Variants in ACAD10 observed in about 807,000 individuals in gnomAD.
ACAD10 encodes the protein ACAD-10.
A neutral mutation model predicts 116.8 loss-of-function variants in ACAD10; 112 were observed. The observed-to-expected ratio is 0.96, with a 90% CI of 0.82 to 1.12. The LOEUF is 1.12. Ranked by LOEUF, ACAD10 falls within the 50% of genes most tolerant of loss-of-function variation. The pLI, the probability that ACAD10 is intolerant of heterozygous loss-of-function variation, is 0.00. For missense variants in ACAD10, 1,259 were observed against 1,350.2 expected (o/e 0.93, Z 1.06); for synonymous variants, 486 against 510.6 (o/e 0.95, Z 0.65).
At chr12:111,732,107 TG>T (rs1889403224) in intron 10 of ACAD10, among the ~76,000 whole-genome samples, 1 of 151,992 alleles carries the variant, frequency 6.6e-6, no homozygotes, top group African/African-American at 2.4e-5. Flanking sequence ...AGAAAAGTAA[TG>T]GGCAGTAACA....
chr12:111,710,718 C>A (rs543186770), intron 5 of ACAD10, among the ~76,000 whole-genome samples: 1 of 152,120 alleles, frequency 6.6e-6, no homozygotes, highest in East Asian at 1.9e-4. Context: ...TGGTCTCAAA[C>A]TCCTAAGCTC....
intron 11 of ACAD10, among the ~76,000 whole-genome samples, chr12:111,734,691 A>C (rs940788980): frequency 2.0e-5 from 3 of 152,186 alleles, no homozygotes; most frequent in African/African-American, 7.2e-5. Context: ...ACAACAACAA[A>C]ACAGTTAAAA....
chr12:111,753,794 G>A lies in ACAD10; in HGVS notation c.2840G>A (p.Gly947Glu), dbSNP rs762174881. ...KARVKSRLAF[G>E]KPLVEQGTVL... ...CAGGTGAAGTCCCGCTTGGCTTTTG[G>A]GAAGCCCCTGGTGGAGCAGGGCACA... Residue 947 changes from glycine (G) to glutamate (E), a missense_variant, in exon 19 of 21, where the codon GGG (glycine) becomes GAG (glutamate). Transcript: ENST00000313698. The A allele has an allele frequency of 1.2e-6, 2 of 1,613,994 alleles. No homozygotes were observed. Among genetic ancestry groups the A allele is most frequent in the Non-Finnish European group, 1.7e-6 (2 of 1,180,036 alleles).
chr12:111,695,900 G>A (rs2135944498), intron 2 of ACAD10, among the ~76,000 whole-genome samples: 1 of 151,846 alleles, frequency 6.6e-6, no homozygotes, highest in Non-Finnish European at 1.5e-5. Flanking sequence ...TGAAATTGCA[G>A]CTACTCTGGA....
At chr12:111,750,769 C>T (rs1890052968) in intron 18 of ACAD10, among the ~76,000 whole-genome samples, 1 of 152,118 alleles carries the variant, frequency 6.6e-6, no homozygotes, top group Non-Finnish European at 1.5e-5. Context: ...ACAGCTGCTT[C>T]CAGGACAGGA....
intron 11 of ACAD10, among the ~76,000 whole-genome samples, chr12:111,735,730 C>G (rs895221886): frequency 2.0e-5 from 3 of 152,190 alleles, no homozygotes; most frequent in African/African-American, 7.2e-5. Context: ...GCTAGGATTA[C>G]AGGCGTGAGC....
chr12:111,748,157 T>G (rs981649229), intron 16 of ACAD10, among the ~76,000 whole-genome samples, 160 bp from the exon 17 acceptor site: 1 of 152,234 alleles, frequency 6.6e-6, no homozygotes, highest in Non-Finnish European at 1.5e-5. Context: ...TTTGCTCTTA[T>G]TTCTGGTCAG....
intron 8 of ACAD10, among the ~76,000 whole-genome samples, chr12:111,727,251 G>A (rs1006910763): frequency 6.7e-6 from 1 of 148,482 alleles, no homozygotes; most frequent in Non-Finnish European, 1.5e-5. Flanking sequence ...TAGGCCGGGA[G>A]CAGTGGCTCA....
chr12:111,697,362 CTT>C (rs1160985539), intron 2 of ACAD10, among the ~76,000 whole-genome samples: 30 of 135,318 alleles, frequency 2.2e-4, no homozygotes, highest in Admixed American at 3.0e-4. Flanking sequence ...TTTTCTTTTC[CTT>C]TTTTTTTTTT....
chr12:111,726,255 A>AAAAT (rs1037980039), intron 8 of ACAD10, among the ~76,000 whole-genome samples: 25 of 152,078 alleles, frequency 1.6e-4, no homozygotes, highest in Admixed American at 2.6e-4. Context: ...CTCCATCTCA[A>AAAAT]AAATAAATAA....
At chr12:111,750,390 G>A (rs960566429) in intron 18 of ACAD10, among the ~76,000 whole-genome samples, 1 of 152,044 alleles carries the variant, frequency 6.6e-6, no homozygotes, top group Non-Finnish European at 1.5e-5. Context: ...AATGTGCTGG[G>A]ATTACCGGCG....
intron 7 of ACAD10, among the ~76,000 whole-genome samples, chr12:111,719,195 T>C (rs1888940494): frequency 6.6e-6 from 1 of 152,178 alleles, no homozygotes; most frequent in Admixed American, 6.6e-5. Flanking sequence ...CTTGATATTA[T>C]ATGTGAATGA....
At chr12:111,722,035 C>CTGTTT in intron 8 of ACAD10, 1 of 220,916 alleles carries the variant, frequency 4.5e-6, no homozygotes, top group African/African-American at 2.3e-5. Context: ...TCTTTCTAAA[C>CTGTTT]TGTTTTGTTT....
chr12:111,715,058 C>T (rs138027829), intron 6 of ACAD10, among the ~76,000 whole-genome samples: 67 of 152,170 alleles, frequency 4.4e-4, no homozygotes, highest in Middle Eastern at 3.4e-3. Context: ...CCACTTGCTC[C>T]GTGAAAAAGG....
rs987195729 is a variant in ACAD10, at chr12:111,746,991, C to T, written c.2257-58C>T. ...CTCCAGCCTGGGTGACAGAGCTTGA[C>T]TCTGTTTTTTTTAGAAGAGGACATG... On this transcript the variant is annotated intron_variant, in intron 14 of 20. Coordinates refer to ENST00000313698, the MANE Select transcript of ACAD10 (RefSeq NM_025247.6). 3 of 1,517,026 alleles carry T rather than the reference C, an allele frequency of 2.0e-6. No individual in the cohort carries two copies. In the African/African-American group the frequency reaches 4.2e-5, roughly 21 times the overall value. The allele number at this position is 1,517,026 out of a possible 1,614,324, so 94.0% of individuals were successfully genotyped here. A position where few individuals can be genotyped will look rare whatever the true frequency, so the allele number is the denominator to read the frequency against.
chr12:111,723,493 CG>C (rs1333287155), intron 8 of ACAD10, among the ~76,000 whole-genome samples: 1 of 140,442 alleles, frequency 7.1e-6, no homozygotes, highest in Non-Finnish European at 1.6e-5. Context: ...CCCTCCCGGA[CG>C]GGGCGGCTGG....
rs202210590 is a variant in ACAD10 at position 111,753,859 on chromosome 12, C to T, written c.2905C>T (p.Gln969Ter). 86 of 1,613,426 alleles carry T rather than the reference C, an allele frequency of 5.3e-5. No homozygotes were observed. The highest frequency in any genetic ancestry group is 5.0e-4 in the Admixed American group (30 of 60,000). Residue 969 changes from glutamine to a stop codon, truncating the protein, a stop_gained, in exon 19 of 21, where the codon CAG becomes TAG. Transcript: ENST00000313698. LOFTEE classifies it high-confidence loss of function. ...CGCGCAGTCGCGCGTGGAGATTGAG[C>T]AGGCACGGCTGCTGGTGCTGAGAGC... ...DIAQSRVEIE[Q>*]ARLLVLRAAH... is the part of the protein sequence containing the mutation.
intron 14 of ACAD10, 65 bp downstream of exon 14, chr12:111,746,349 A>G: frequency 6.5e-7 from 1 of 1,531,500 alleles, no homozygotes. Context: ...ACTCAATCCT[A>G]AACAGATAAA....
At chr12:111,722,915 G>A (rs1308518946) in intron 8 of ACAD10, among the ~76,000 whole-genome samples, 3 of 152,110 alleles carry the variant, frequency 2.0e-5, no homozygotes, top group East Asian at 1.9e-4. Flanking sequence ...CCTCCCAGAC[G>A]GGGTGGTGGC....
Sources: gnomAD v4.1 joint callset for allele counts (sites outside exome capture counted in the v4.1 genomes callset) on GRCh38, gnomAD v4.1.1 for gene constraint, MANE v1.5 for transcripts, NCBI Gene and HGNC (gene_info 2026-07-23, HGNC 2026-07-21) for gene names.